Variants in DRC10 observed in about 807,000 individuals in gnomAD.
DRC10 encodes IQ domain-containing protein D.
the DRC10 span, among the ~76,000 whole-genome samples, chr12:113,205,902 C>CAAAA: frequency 1.5e-4 from 7 of 47,966 alleles, no homozygotes; most frequent in Non-Finnish European, 1.7e-4. Flanking sequence ...GACTCCGTCT[C>CAAAA]AAAAAAAAAA....
chr12:113,210,612 G>GAA, the DRC10 span, among the ~76,000 whole-genome samples: 3 of 107,292 alleles, frequency 2.8e-5, no homozygotes, highest in Non-Finnish European at 5.7e-5. Flanking sequence ...AAGAAAAAAA[G>GAA]AAAAAAAAAA....
At chr12:113,201,567 G>A in the DRC10 span, among the ~76,000 whole-genome samples, 1 of 152,194 alleles carries the variant, frequency 6.6e-6, no homozygotes, top group South Asian at 2.1e-4. Context: ...CAGGCTGCAG[G>A]GATTGCCACC....
the DRC10 span, among the ~76,000 whole-genome samples, chr12:113,206,417 T>C: frequency 6.6e-6 from 1 of 152,178 alleles, no homozygotes; most frequent in Non-Finnish European, 1.5e-5. Flanking sequence ...CCCTCTGCCT[T>C]TGCCTCTTTT....
the DRC10 span, among the ~76,000 whole-genome samples, chr12:113,215,473 A>G: frequency 2.6e-5 from 4 of 152,250 alleles, no homozygotes; most frequent in South Asian, 8.3e-4. Flanking sequence ...ATGTTTTTGT[A>G]TCAAAGGCTT....
the DRC10 span, among the ~76,000 whole-genome samples, chr12:113,202,024 C>A: frequency 6.6e-6 from 1 of 152,136 alleles, no homozygotes; most frequent in Non-Finnish European, 1.5e-5. Context: ...AAGGTGAAGC[C>A]CCAAGCTGGT....
the DRC10 span, among the ~76,000 whole-genome samples, chr12:113,204,276 C>T: frequency 6.6e-6 from 1 of 152,226 alleles, no homozygotes; most frequent in Non-Finnish European, 1.5e-5. Flanking sequence ...TTGATTAGGC[C>T]TCAAAGGCCC....
the DRC10 span, among the ~76,000 whole-genome samples, chr12:113,206,771 C>A: frequency 1.3e-5 from 2 of 151,526 alleles, no homozygotes; most frequent in South Asian, 2.1e-4. Flanking sequence ...AAAAAAATCA[C>A]TGGGGAGGCC....
At chr12:113,220,179 A>G in the DRC10 span, among the ~76,000 whole-genome samples, 1 of 152,152 alleles carries the variant, frequency 6.6e-6, no homozygotes, top group African/African-American at 2.4e-5. Context: ...GTACAATGAG[A>G]TCACATCTTA....
At chr12:113,218,598 A>AT in the DRC10 span, among the ~76,000 whole-genome samples, 5 of 152,060 alleles carry the variant, frequency 3.3e-5, no homozygotes, top group African/African-American at 1.2e-4. Context: ...GCATACCACC[A>AT]TGCCTGGCTA....
chr12:113,204,274 G>A, the DRC10 span, among the ~76,000 whole-genome samples: 2 of 152,192 alleles, frequency 1.3e-5, no homozygotes, highest in Admixed American at 1.3e-4. Flanking sequence ...CCTTGATTAG[G>A]CCTCAAAGGC....
chr12:113,208,060 G>A, the DRC10 span: 422 of 1,614,210 alleles, frequency 2.6e-4, 10 homozygotes, highest in South Asian at 4.4e-3. Context: ...GAGAACCAAG[G>A]GTTTTAGTGG....
chr12:113,208,794 C>T, the DRC10 span, among the ~76,000 whole-genome samples: 1 of 152,182 alleles, frequency 6.6e-6, no homozygotes, highest in South Asian at 2.1e-4. Context: ...CAGCAGGAAA[C>T]CAACTGACAA....
chr12:113,202,106 C>G, the DRC10 span, among the ~76,000 whole-genome samples: 1 of 152,228 alleles, frequency 6.6e-6, no homozygotes, highest in Non-Finnish European at 1.5e-5. Context: ...CCCCTCCCAC[C>G]TTACTAGTAA....
At chr12:113,201,261 C>A in the DRC10 span, among the ~76,000 whole-genome samples, 4 of 152,220 alleles carry the variant, frequency 2.6e-5, no homozygotes, top group African/African-American at 9.6e-5. Context: ...CCCAACCCCA[C>A]AATGGAGGTC....
chr12:113,220,602 A>G, the DRC10 span, among the ~76,000 whole-genome samples: 1 of 152,210 alleles, frequency 6.6e-6, no homozygotes, highest in Non-Finnish European at 1.5e-5. Context: ...TACCTAATTT[A>G]AACACTGAAG....
At chr12:113,218,198 G>A in the DRC10 span, among the ~76,000 whole-genome samples, 2 of 151,018 alleles carry the variant, frequency 1.3e-5, no homozygotes, top group East Asian at 3.9e-4. Flanking sequence ...GTGCCATGGC[G>A]TGATCTCGGC....
chr12:113,204,615 C>T, the DRC10 span, among the ~76,000 whole-genome samples: 1 of 152,248 alleles, frequency 6.6e-6, no homozygotes. Flanking sequence ...TTTTTACTAT[C>T]TGGCCCTTTG....
chr12:113,213,214 C>T, the DRC10 span, among the ~76,000 whole-genome samples: 1 of 129,780 alleles, frequency 7.7e-6, no homozygotes, highest in Non-Finnish European at 1.6e-5. Context: ...ACCAAAACAA[C>T]TGGAGTGTGG....
chr12:113,221,093 C>T, the DRC10 span: 2 of 448,004 alleles, frequency 4.5e-6, no homozygotes, highest in Non-Finnish European at 9.0e-6. Flanking sequence ...GACTCGGTGT[C>T]TGACTGACCT....
Sources: allele counts gnomAD v4.1 joint callset (sites outside exome capture counted in the v4.1 genomes callset), GRCh38; gene constraint gnomAD v4.1.1; transcripts MANE v1.5; gene names NCBI Gene and HGNC (gene_info 2026-07-23, HGNC 2026-07-21).